Variants in PCDHGA2 observed in about 807,000 individuals in gnomAD.
PCDHGA2 encodes the protein protocadherin gamma subfamily A, 2.
Under a neutral mutation model 59.2 loss-of-function variants are expected in PCDHGA2, and 40 were observed. That is an observed-to-expected ratio of 0.68 (90% CI 0.52 to 0.88). PCDHGA2 has a LOEUF of 0.88. PCDHGA2 is among the 40% of genes least tolerant of loss of function. The pLI is 0.00. For synonymous variants in PCDHGA2, 560 were observed against 526.0 expected, an observed-to-expected ratio of 1.06 and a Z score of -0.89; for missense variants, 1,226 against 1,204.0, an observed-to-expected ratio of 1.02 and a Z score of -0.27.
chr5:141,340,791 A>G lies in PCDHGA2; in HGVS notation c.1820A>G (p.His607Arg), dbSNP rs61749022. The change falls in exon 1 of 4, where the codon CAC (histidine) becomes CGC (arginine). Residue 607 changes from histidine to arginine, a missense_variant. Physicochemically the swap from His to Arg is conservative, Grantham distance 29 (BLOSUM62 0). Coordinates refer to ENST00000394576, the MANE Select transcript of PCDHGA2 (RefSeq NM_018915.4). ...DSGQNAWLSY[H>R]LLKASEPGLF... Reference sequence around the variant, plus strand: ...GGCCAGAACGCCTGGCTGTCTTACCACCTGCTCAAGGCCAGCGAGCCGGGA... The same window carrying G: ...GGCCAGAACGCCTGGCTGTCTTACCGCCTGCTCAAGGCCAGCGAGCCGGGA... The G allele has an allele frequency of 4.5e-3, 7,280 of 1,611,334 alleles. 200 individuals are homozygous for G. In the African/African-American group the frequency reaches 0.049, roughly 11 times the overall value.
chr5:141,381,186 GC>G (rs1489730819), intron 1 of PCDHGA2, among the ~76,000 whole-genome samples: 7 of 152,226 alleles, frequency 4.6e-5, no homozygotes, highest in Non-Finnish European at 7.3e-5. Flanking sequence ...ACGAAGTTAA[GC>G]TTTCTTAGTG....
chr5:141,490,978 C>T lies in PCDHGA2; in HGVS notation c.2425-3829C>T. 6.2e-7 allele frequency: 1 copy of T among 1,614,100 alleles called. No individual in the cohort carries two copies. Among genetic ancestry groups the T allele is most frequent in the Non-Finnish European group, 8.5e-7 (1 of 1,180,034 alleles). ...GGAACACTCAGCCCCCCAGCGTCTC[C>T]CTCGCTCTGCTCCTCCTGGCTCCTT... is the stretch of plus-strand genomic sequence containing the variant. On this transcript the variant is annotated intron_variant, in intron 1 of 3. Coordinates refer to ENST00000394576, the MANE Select transcript of PCDHGA2 (RefSeq NM_018915.4). The surrounding 1 kb of genome is among the most constrained non-coding windows in gnomAD (Gnocchi z 5.4).
chr5:141,433,623 G>A (rs2097635547), intron 1 of PCDHGA2, among the ~76,000 whole-genome samples: 1 of 152,070 alleles, frequency 6.6e-6, no homozygotes, highest in African/African-American at 2.4e-5. Flanking sequence ...ATCACCTGAG[G>A]TTGGGAGTTT....
intron 1 of PCDHGA2, chr5:141,404,106 C>G: frequency 1.2e-6 from 2 of 1,613,428 alleles, no homozygotes; most frequent in Non-Finnish European, 1.7e-6. Flanking sequence ...GTTGTCTGTT[C>G]TATCCAGGAG....
chr5:141,394,174 A>T, intron 1 of PCDHGA2: 1 of 1,613,824 alleles, frequency 6.2e-7, no homozygotes, highest in Non-Finnish European at 8.5e-7. Flanking sequence ...ACTTTCCCTC[A>T]TGCCTCCTAC....
chr5:141,385,209 C>G (rs375927473), intron 1 of PCDHGA2: 95 of 1,614,118 alleles, frequency 5.9e-5, no homozygotes, highest in Non-Finnish European at 7.8e-5. Context: ...ACCTGATCTT[C>G]CCCCAGCCCA....
chr5:141,508,799 C>T (rs962590711), intron 3 of PCDHGA2, among the ~76,000 whole-genome samples: 1 of 152,110 alleles, frequency 6.6e-6, no homozygotes, highest in Non-Finnish European at 1.5e-5. Context: ...ACTCTGGAAT[C>T]CTGGCTCTTT....
At chr5:141,470,585 G>A (rs2099233788) in intron 1 of PCDHGA2, among the ~76,000 whole-genome samples, 1 of 152,188 alleles carries the variant, frequency 6.6e-6, no homozygotes, top group African/African-American at 2.4e-5. Flanking sequence ...AACTTCATAG[G>A]CAGGCGACCT....
At position 141,389,685 on chromosome 5, in the gene PCDHGA2, TG is replaced by T. The variant is rs1303219922; in HGVS notation, c.2424+48292del. 1.8e-5 allele frequency: 29 copies of T among 1,612,354 alleles called. No homozygotes were observed. In the East Asian group the frequency reaches 6.2e-4, roughly 35 times the overall value. On this transcript the variant is annotated intron_variant, in intron 1 of 3. Coordinates refer to ENST00000394576, the MANE Select transcript of PCDHGA2 (RefSeq NM_018915.4). ...GGACGCAGACTCAGGACACAACGCC[TG>T]GCTGTCCTACCACGTGCTGCAGGCT...
intron 1 of PCDHGA2, chr5:141,346,259 C>T (rs764310422): frequency 1.2e-6 from 2 of 1,614,078 alleles, no homozygotes; most frequent in Admixed American, 1.7e-5. Context: ...ACTTTGTGGG[C>T]GCGGACGGGG....
intron 1 of PCDHGA2, chr5:141,422,129 A>T: frequency 6.3e-7 from 1 of 1,599,702 alleles, no homozygotes; most frequent in East Asian, 2.2e-5. Flanking sequence ...CAAACTGGAG[A>T]AGTTCAAGTA....
chr5:141,359,142 A>C (rs903512422), intron 1 of PCDHGA2, among the ~76,000 whole-genome samples: 1 of 152,224 alleles, frequency 6.6e-6, no homozygotes, highest in Non-Finnish European at 1.5e-5. Flanking sequence ...AGTAAGCTGG[A>C]ATATGATATG....
Position 141,432,878 on chromosome 5 carries a change from TTCGTCA to T in PCDHGA2, c.2425-61926_2425-61921del. 6.2e-7 allele frequency: 1 copy of T among 1,614,178 alleles called. No individual in the cohort carries two copies. The highest frequency in any genetic ancestry group is 1.7e-5 in the Admixed American group (1 of 60,036). Reference sequence around the variant, plus strand: ...CGCGGTCTCCTGCGTCTTCCTGGCCTTCGTCATCTTGCTGCTGGCGCTCAGGCTGCG... The same window carrying T: ...CGCGGTCTCCTGCGTCTTCCTGGCCTTCTTGCTGCTGGCGCTCAGGCTGCG... On this transcript the variant is annotated intron_variant, in intron 1 of 3. Transcript: ENST00000394576. This position sits in a 1 kb window ranked among gnomAD's most constrained non-coding sequence, Gnocchi z 6.0.
At chr5:141,404,072 C>T (rs779657331) in intron 1 of PCDHGA2, 1 of 1,613,626 alleles carries the variant, frequency 6.2e-7, no homozygotes, top group Non-Finnish European at 8.5e-7. Flanking sequence ...TGCTCATGAC[C>T]GAGACTCCGG....
chr5:141,508,919 C>T (rs1166086266), intron 3 of PCDHGA2, among the ~76,000 whole-genome samples: 1 of 151,996 alleles, frequency 6.6e-6, no homozygotes, highest in Non-Finnish European at 1.5e-5. Context: ...GATCTGGCTT[C>T]CTTTTGGAGT....
chr5:141,489,229 G>A lies in PCDHGA2; in HGVS notation c.2425-5578G>A, dbSNP rs1188849525. 5.9e-6 allele frequency: 9 copies of A among 1,522,134 alleles called. No homozygotes were observed. In the Admixed American group the frequency reaches 6.4e-5, roughly 11 times the overall value. 94.3% of individuals were successfully genotyped at this position (1,522,134 alleles called of 1,614,324 possible). On this transcript the variant is annotated intron_variant, in intron 1 of 3. Transcript: ENST00000394576. The surrounding 1 kb of genome is among the most constrained non-coding windows in gnomAD (Gnocchi z 4.5). The stretch of plus-strand genomic sequence containing the variant: ...AGCACAGACTTACTCTCCACAAAGG[G>A]ACTTCTGGGTCATGGGGCCCAAGAC...
At chr5:141,475,871 A>G (rs568810142) in intron 1 of PCDHGA2, 17 of 513,152 alleles carry the variant, frequency 3.3e-5, no homozygotes, top group Middle Eastern at 5.1e-4. Context: ...TTCTTCGTGC[A>G]GTTATTGGCT....
At chr5:141,374,945 A>T (rs779694385) in intron 1 of PCDHGA2, 1 of 1,614,034 alleles carries the variant, frequency 6.2e-7, no homozygotes, top group Non-Finnish European at 8.5e-7. Context: ...TACAGAAAAG[A>T]TCTCACAAAT....
intron 1 of PCDHGA2, chr5:141,352,221 C>A: frequency 6.2e-7 from 1 of 1,614,072 alleles, no homozygotes; most frequent in Non-Finnish European, 8.5e-7. Context: ...TCCGCCACCG[C>A]CACGCTGCAC....
Sources: gnomAD v4.1 joint callset for allele counts (sites outside exome capture counted in the v4.1 genomes callset) on GRCh38, gnomAD v4.1.1 for gene constraint, Gnocchi (gnomAD v3.1) non-coding constraint, MANE v1.5 for transcripts, NCBI Gene and HGNC (gene_info 2026-07-23, HGNC 2026-07-21) for gene names.